PRKN: variants seen among roughly 807,000 people sequenced by gnomAD.
PRKN encodes the protein parkin RBR E3 ubiquitin protein ligase, also known as E3 ubiquitin-protein ligase parkin.
Under a neutral mutation model 59.5 loss-of-function variants are expected in PRKN, and 56 were observed. The ratio of observed to expected loss-of-function variants is 0.94; its 90% CI spans 0.76 to 1.18. PRKN has a LOEUF of 1.18. PRKN is among the 50% of genes most tolerant of loss of function. The pLI is 0.00. For missense variants in PRKN, 657 were observed against 596.4 expected, an observed-to-expected ratio of 1.10 and a Z score of -1.06; for synonymous variants, 250 against 222.1, an observed-to-expected ratio of 1.13 and a Z score of -1.12.
At chr6:161,928,796 T>A (rs1466960793) in intron 6 of PRKN, among the ~76,000 whole-genome samples, 1 of 152,172 alleles carries the variant, frequency 6.6e-6, no homozygotes, top group East Asian at 1.9e-4. Context: ...GTGGCAGGGC[T>A]GAAATCTGTT....
chr6:161,470,206 C>T lies in PRKN; in HGVS notation c.1083+78648G>A, dbSNP rs1383213483. On this transcript the variant is annotated intron_variant, in intron 9 of 11. Coordinates refer to ENST00000366898, the MANE Select transcript of PRKN (RefSeq NM_004562.3). The surrounding 1 kb of genome is among the most constrained non-coding windows in gnomAD (Gnocchi z 5.1). ...TAACCTACACTAAAATAATGGTGTA[C>T]AGTCTATGCCACATAATTTTTGTGT... Among the ~76,000 whole-genome samples, 1 of 152,164 alleles carries T rather than the reference C, an allele frequency of 6.6e-6. No homozygotes were observed. The highest frequency in any genetic ancestry group is 1.5e-5 in the Non-Finnish European group (1 of 68,032).
intron 1 of PRKN, among the ~76,000 whole-genome samples, chr6:162,515,741 A>G (rs1017058848): frequency 6.6e-6 from 1 of 152,076 alleles, no homozygotes; most frequent in African/African-American, 2.4e-5. Flanking sequence ...TTATGTCTAA[A>G]TGTTCTTTTC....
chr6:161,631,506 G>C lies in PRKN; in HGVS notation c.872-62090C>G, dbSNP rs559231817. Reference sequence around the variant, plus strand: ...GCACAAATATCACAGGCCCTCAAAAGCAATGAGTGTAAATAGAAAATAAAA... The same window carrying C: ...GCACAAATATCACAGGCCCTCAAAACCAATGAGTGTAAATAGAAAATAAAA... On this transcript the variant is annotated intron_variant, in intron 7 of 11. Coordinates refer to ENST00000366898, the MANE Select transcript of PRKN (RefSeq NM_004562.3). Among the ~76,000 whole-genome samples, 4 of 152,196 alleles carry C rather than the reference G, an allele frequency of 2.6e-5. No homozygotes were observed. The East Asian group carries it at 7.7e-4, about 29-fold the overall frequency.
chr6:162,267,254 CT>C (rs1339308560), intron 2 of PRKN: 1 of 152,010 alleles, frequency 6.6e-6, no homozygotes, highest in Admixed American at 6.6e-5. Flanking sequence ...TAATCTTTGA[CT>C]CTTACAGAAA....
chr6:162,552,666 G>A (rs2846567), intron 1 of PRKN, among the ~76,000 whole-genome samples: 38,927 of 152,006 alleles, frequency 0.26, 6,143 homozygotes, highest in Non-Finnish European at 0.36. Flanking sequence ...AAGTAATTTG[G>A]ATAAATGAGA....
intron 7 of PRKN, chr6:161,716,069 T>C (rs1583045754): frequency 1.2e-6 from 1 of 855,202 alleles, no homozygotes; most frequent in Non-Finnish European, 1.5e-6. Flanking sequence ...GCTGGGCCCA[T>C]CTTACCGACT....
chr6:162,714,114 C>T (rs943406725), intron 1 of PRKN, among the ~76,000 whole-genome samples: 1 of 152,154 alleles, frequency 6.6e-6, no homozygotes, highest in Non-Finnish European at 1.5e-5. Context: ...ACTCTGCATC[C>T]TCATGGGTAA....
intron 2 of PRKN, among the ~76,000 whole-genome samples, chr6:162,319,218 T>C (rs1371239785): frequency 4.6e-5 from 7 of 151,564 alleles, no homozygotes; most frequent in Non-Finnish European, 5.9e-5. Context: ...TACATTAGAA[T>C]TGTCTAGGGA....
At chr6:161,449,824 G>T (rs1789648382) in intron 9 of PRKN, among the ~76,000 whole-genome samples, 1 of 152,138 alleles carries the variant, frequency 6.6e-6, no homozygotes, top group South Asian at 2.1e-4. Flanking sequence ...ACAGGTGTAG[G>T]GAAGCAATGG....
At chr6:161,415,752 T>C (rs1787822561) in intron 9 of PRKN, among the ~76,000 whole-genome samples, 1 of 151,726 alleles carries the variant, frequency 6.6e-6, no homozygotes, top group Non-Finnish European at 1.5e-5. Flanking sequence ...ACTTCAGATG[T>C]TGTCAGTTCT....
chr6:161,903,752 G>C (rs746628384), intron 6 of PRKN, among the ~76,000 whole-genome samples: 1 of 151,532 alleles, frequency 6.6e-6, no homozygotes, highest in Non-Finnish European at 1.5e-5. Flanking sequence ...GATAAAGAAA[G>C]TGTGCAGGGA....
intron 2 of PRKN, among the ~76,000 whole-genome samples, chr6:162,387,234 C>CAAA (rs34452454): frequency 6.9e-5 from 7 of 101,216 alleles, no homozygotes; most frequent in Non-Finnish European, 1.5e-4. Context: ...AAAAAATAAG[C>CAAA]AAAAAAAAAA....
At chr6:162,269,790 C>G (rs1780294774) in intron 2 of PRKN, among the ~76,000 whole-genome samples, 1 of 152,096 alleles carries the variant, frequency 6.6e-6, no homozygotes, top group Non-Finnish European at 1.5e-5. Flanking sequence ...CACTAGTGAT[C>G]AGGGAAAGGC....
At chr6:161,565,622 C>T (rs574979961) in intron 8 of PRKN, among the ~76,000 whole-genome samples, 1 of 152,192 alleles carries the variant, frequency 6.6e-6, no homozygotes, top group Non-Finnish European at 1.5e-5. Context: ...CCTTCGCCTT[C>T]CGTCATGATT....
chr6:161,402,940 CACG>C lies in PRKN; in HGVS notation c.1084-16066_1084-16064del, dbSNP rs140001571. Among the ~76,000 whole-genome samples the C allele has an allele frequency of 3.9e-4, 60 of 152,220 alleles. No individual in the cohort carries two copies. Among genetic ancestry groups the C allele is most frequent in the African/African-American group, 1.4e-3 (57 of 41,540 alleles). ...TGACACAATTCCCTGGGAGGGGATT[CACG>C]ACAACTGAGATCCATCAATTGTATT... On this transcript the variant is annotated intron_variant, in intron 9 of 11. Transcript: ENST00000366898. The surrounding 1 kb of genome is among the most constrained non-coding windows in gnomAD (Gnocchi z 4.5).
intron 1 of PRKN, among the ~76,000 whole-genome samples, chr6:162,457,287 T>C (rs1169765211): frequency 2.0e-5 from 3 of 152,070 alleles, no homozygotes; most frequent in Admixed American, 6.6e-5. Context: ...AGAAACAATA[T>C]CAAATTTCAG....
At chr6:162,723,443 T>C (rs1562526518) in intron 1 of PRKN, among the ~76,000 whole-genome samples, 1 of 152,108 alleles carries the variant, frequency 6.6e-6, no homozygotes, top group Non-Finnish European at 1.5e-5. Flanking sequence ...GCTTGTACAC[T>C]GAAAGGCACT....
At chr6:161,351,958 T>C (rs1349956589) in intron 11 of PRKN, among the ~76,000 whole-genome samples, 2 of 152,166 alleles carry the variant, frequency 1.3e-5, no homozygotes, top group South Asian at 2.1e-4. Context: ...TTGTTAAACA[T>C]AGACTCCATG....
chr6:162,140,975 C>T (rs1562536786), intron 4 of PRKN, among the ~76,000 whole-genome samples: 1 of 151,890 alleles, frequency 6.6e-6, no homozygotes, highest in African/African-American at 2.4e-5. Flanking sequence ...AAAAAACACA[C>T]AAAAAGTAGC....
Sources: allele counts gnomAD v4.1 joint callset (sites outside exome capture counted in the v4.1 genomes callset), GRCh38; gene constraint gnomAD v4.1.1; non-coding constraint Gnocchi (gnomAD v3.1); transcripts MANE v1.5; gene names NCBI Gene and HGNC (gene_info 2026-07-23, HGNC 2026-07-21).